SLC9B1: variants seen among roughly 807,000 people sequenced by gnomAD.
SLC9B1 encodes the protein sodium/hydrogen exchanger 9B1.
SLC9B1 carries 32 observed loss-of-function variants against 51.7 expected under a neutral mutation model. The observed-to-expected ratio is 0.62, with a 90% CI of 0.47 to 0.83. The LOEUF is 0.83. Among genes scored for constraint, SLC9B1 ranks in the 40% least tolerant of loss-of-function variants. The pLI is 0.00. For synonymous variants in SLC9B1, 145 were observed against 212.7 expected, an observed-to-expected ratio of 0.68 and a Z score of 2.77; for missense variants, 406 against 613.2, an observed-to-expected ratio of 0.66 and a Z score of 3.57.
At chr4:102,969,687 C>A (rs1215445695) in intron 3 of SLC9B1, among the ~76,000 whole-genome samples, 1 of 152,194 alleles carries the variant, frequency 6.6e-6, no homozygotes, top group Non-Finnish European at 1.5e-5. Flanking sequence ...TAACAAACTT[C>A]TCCGAGCCAA....
chr4:102,995,306 AT>A (rs1308327156), intron 1 of SLC9B1, among the ~76,000 whole-genome samples: 1 of 152,208 alleles, frequency 6.6e-6, no homozygotes, highest in Non-Finnish European at 1.5e-5. Flanking sequence ...ACTGCAGAAA[AT>A]AAATGAGGAT....
intron 3 of SLC9B1, among the ~76,000 whole-genome samples, chr4:102,981,054 AG>A (rs957929006): frequency 6.6e-6 from 1 of 152,060 alleles, no homozygotes; most frequent in Non-Finnish European, 1.5e-5. Context: ...CTGTGTCCAT[AG>A]TTTTGCCCCT....
chr4:102,919,444 G>C (rs573269157), intron 7 of SLC9B1, among the ~76,000 whole-genome samples: 1 of 152,298 alleles, frequency 6.6e-6, no homozygotes, highest in East Asian at 1.9e-4. Context: ...TGGGTTCCAA[G>C]ATGGCCAAAT....
chr4:102,957,672 A>T (rs1380079778), intron 3 of SLC9B1, among the ~76,000 whole-genome samples: 2 of 152,196 alleles, frequency 1.3e-5, no homozygotes, highest in Non-Finnish European at 2.9e-5. Flanking sequence ...TGCTTTTAAG[A>T]TAAAAGGATA....
chr4:103,019,296 G>A lies in SLC9B1; in HGVS notation c.-2+303C>T, dbSNP rs77014345. Among the ~76,000 whole-genome samples the A allele has an allele frequency of 3.2e-3, 490 of 152,264 alleles. 5 individuals carry two copies. Among genetic ancestry groups the A allele is most frequent in the Middle Eastern group, 0.017 (5 of 294 alleles). The stretch of plus-strand genomic sequence containing the variant: ...ACACGCTTAATAAAATTAATTTTGA[G>A]GTCAATCTTAACTGACAGATCTCTT... On this transcript the variant is annotated intron_variant, in intron 1 of 11. Coordinates refer to ENST00000296422, the MANE Select transcript of SLC9B1 (RefSeq NM_139173.4).
downstream of SLC9B1, among the ~76,000 whole-genome samples, chr4:102,900,393 T>A (rs1265644275): frequency 6.6e-6 from 1 of 152,234 alleles, no homozygotes; most frequent in Non-Finnish European, 1.5e-5. Flanking sequence ...AATCTTTCAT[T>A]TTTGGAGGCT....
chr4:102,957,590 C>G (rs1215731501), intron 3 of SLC9B1, among the ~76,000 whole-genome samples: 1 of 152,062 alleles, frequency 6.6e-6, no homozygotes, highest in Non-Finnish European at 1.5e-5. Context: ...AAAAATGGAG[C>G]TGAAATAAAG....
intron 11 of SLC9B1, among the ~76,000 whole-genome samples, chr4:102,894,373 T>C (rs1384316798): frequency 6.6e-6 from 1 of 152,176 alleles, no homozygotes; most frequent in Non-Finnish European, 1.5e-5. Flanking sequence ...GATTTTTAAA[T>C]GAAATAATCA....
chr4:102,921,915 T>C (rs1356269860), intron 7 of SLC9B1, among the ~76,000 whole-genome samples: 2 of 152,060 alleles, frequency 1.3e-5, no homozygotes, highest in African/African-American at 4.8e-5. Context: ...ATAAAGCAGG[T>C]CCTTAGAGAC....
In SLC9B1 at chr4:103,006,324, A is replaced by G. The variant is rs116480320; in HGVS notation, c.-2+13275T>C. Reference sequence around the variant, plus strand: ...CAATTGGAAATGACAAAGGGACATTACCCCAGAGAAATACAAAAAATCCTC... The same window carrying G: ...CAATTGGAAATGACAAAGGGACATTGCCCCAGAGAAATACAAAAAATCCTC... On this transcript the variant is annotated intron_variant, in intron 1 of 11. Coordinates refer to ENST00000296422, the MANE Select transcript of SLC9B1 (RefSeq NM_139173.4). Among the ~76,000 whole-genome samples, 757 of 152,238 alleles carry G rather than the reference A, an allele frequency of 5.0e-3. 5 individuals carry two copies. Among genetic ancestry groups the G allele is most frequent in the African/African-American group, 0.017 (713 of 41,578 alleles).
chr4:102,937,950 G>A (rs539726094), intron 6 of SLC9B1, among the ~76,000 whole-genome samples: 3 of 152,182 alleles, frequency 2.0e-5, no homozygotes, highest in South Asian at 4.1e-4. Context: ...CATTGACATT[G>A]TAAAGTAACT....
At chr4:102,949,491 T>G in intron 3 of SLC9B1, 64 bp from the exon 4 acceptor site, 1 of 1,320,918 alleles carries the variant, frequency 7.6e-7, no homozygotes, top group Non-Finnish European at 1.0e-6. Flanking sequence ...AAACAAAGGA[T>G]CAATTCTCTT....
intron 3 of SLC9B1, among the ~76,000 whole-genome samples, chr4:102,963,576 C>T (rs371333203): frequency 6.6e-6 from 1 of 152,280 alleles, no homozygotes; most frequent in African/African-American, 2.4e-5. Flanking sequence ...AGTTTCCCTC[C>T]TCCTTTTCAC....
intron 1 of SLC9B1, among the ~76,000 whole-genome samples, chr4:103,010,275 C>A (rs1173122522): frequency 6.6e-6 from 1 of 152,012 alleles, no homozygotes; most frequent in Non-Finnish European, 1.5e-5. Context: ...TTGTTCCATT[C>A]TCTGGAGGGG....
At chr4:102,890,134 TAAGC>T (rs1734164275) in intron 11 of SLC9B1, 1 of 152,206 alleles carries the variant, frequency 6.6e-6, no homozygotes, top group Non-Finnish European at 1.5e-5. Context: ...TATGGGTAAT[TAAGC>T]AAGTTGAATT....
intron 3 of SLC9B1, among the ~76,000 whole-genome samples, chr4:102,970,973 C>G (rs988913564): frequency 3.9e-5 from 6 of 152,120 alleles, no homozygotes; most frequent in Non-Finnish European, 8.8e-5. Flanking sequence ...TACAGGAGCA[C>G]CCAGATTCAT....
chr4:102,978,473 AAAAC>A, intron 3 of SLC9B1, among the ~76,000 whole-genome samples: 1 of 152,322 alleles, frequency 6.6e-6, no homozygotes, highest in East Asian at 1.9e-4. Context: ...TTATAAGAAA[AAAAC>A]AAACAATCCC....
At chr4:102,981,480 G>T (rs1202270702) in intron 3 of SLC9B1, among the ~76,000 whole-genome samples, 1 of 152,150 alleles carries the variant, frequency 6.6e-6, no homozygotes, top group Non-Finnish European at 1.5e-5. Context: ...TGCAATGAAT[G>T]AAAGTTCCTG....
intron 11 of SLC9B1, among the ~76,000 whole-genome samples, chr4:102,893,588 C>T (rs1409728046): frequency 6.6e-6 from 1 of 152,112 alleles, no homozygotes; most frequent in Admixed American, 6.6e-5. Context: ...ATTCATTTCA[C>T]ATAGGCAGTG....
Sources: allele counts gnomAD v4.1 joint callset (sites outside exome capture counted in the v4.1 genomes callset), GRCh38; gene constraint gnomAD v4.1.1; transcripts MANE v1.5; gene names NCBI Gene and HGNC (gene_info 2026-07-23, HGNC 2026-07-21).